Variants in CELF2 observed in about 807,000 individuals in gnomAD.
CELF2 encodes CUG triplet repeat RNA-binding protein 2.
CELF2 carries 8 observed loss-of-function variants against 62.6 expected under a neutral mutation model. The ratio of observed to expected loss-of-function variants is 0.13; its 90% CI spans 0.07 to 0.23. The LOEUF (loss-of-function observed/expected upper bound fraction) is 0.23. CELF2 is among the 10% of genes least tolerant of loss of function. The probability of loss-of-function intolerance (pLI) is 1.00; values close to 1 mark genes in which losing one functional copy is unlikely to be tolerated. For synonymous variants in CELF2, 258 were observed against 250.0 expected, an observed-to-expected ratio of 1.03 and a Z score of -0.30; for missense variants, 333 against 671.0, an observed-to-expected ratio of 0.50 and a Z score of 5.56.
the CELF2 span, among the ~76,000 whole-genome samples, chr10:10,622,955 C>A: frequency 2.0e-5 from 3 of 151,614 alleles, no homozygotes; most frequent in East Asian, 5.9e-4. Context: ...TGGTGGCGGG[C>A]GCCTGTAGTC....
chr10:11,257,586 GGGA>G, intron 4 of CELF2, 149 bp from the exon 5 acceptor site: 1 of 713,646 alleles, frequency 1.4e-6, no homozygotes, highest in Non-Finnish European at 2.3e-6. Context: ...GGCGCATGGA[GGGA>G]GGAGGACAGC....
chr10:11,195,126 A>G (rs1239104728), intron 2 of CELF2, among the ~76,000 whole-genome samples: 2 of 152,236 alleles, frequency 1.3e-5, no homozygotes, highest in South Asian at 2.1e-4. Context: ...GCATTCGACC[A>G]TGAACTTAAA....
At chr10:11,104,888 A>G (rs931889428) in intron 1 of CELF2, among the ~76,000 whole-genome samples, 14 of 152,322 alleles carry the variant, frequency 9.2e-5, no homozygotes, top group East Asian at 7.7e-4. Context: ...TCCATATAGC[A>G]TGTGGCAGGC....
At chr10:10,875,959 A>G (rs1441761639) in intron 1 of CELF2, among the ~76,000 whole-genome samples, 1 of 152,190 alleles carries the variant, frequency 6.6e-6, no homozygotes, top group African/African-American at 2.4e-5. Flanking sequence ...AAACTTGAAC[A>G]CAGCAAGAGA....
At chr10:11,063,467 G>A (rs1471927300) in intron 1 of CELF2, among the ~76,000 whole-genome samples, 1 of 152,192 alleles carries the variant, frequency 6.6e-6, no homozygotes, top group Non-Finnish European at 1.5e-5. Context: ...TTATTTGAAA[G>A]CATTGCTGTG....
At chr10:10,621,656 C>T in the CELF2 span, among the ~76,000 whole-genome samples, 1 of 152,322 alleles carries the variant, frequency 6.6e-6, no homozygotes, top group South Asian at 2.1e-4. Context: ...ATCCATTTCA[C>T]TCTTCCTCTT....
chr10:10,636,816 T>A, the CELF2 span, among the ~76,000 whole-genome samples: 1 of 152,044 alleles, frequency 6.6e-6, no homozygotes, highest in Non-Finnish European at 1.5e-5. Flanking sequence ...AGGGGAGGGG[T>A]TCACCAAGTT....
chr10:10,472,682 C>A, the CELF2 span, among the ~76,000 whole-genome samples: 1 of 151,846 alleles, frequency 6.6e-6, no homozygotes. Context: ...ACAATGAATT[C>A]TGTAATCGTC....
chr10:10,614,409 A>C, the CELF2 span, among the ~76,000 whole-genome samples: 1 of 152,232 alleles, frequency 6.6e-6, no homozygotes, highest in South Asian at 2.1e-4. Flanking sequence ...CAGCAGCCAC[A>C]TCCGGAAGGC....
intron 2 of CELF2, among the ~76,000 whole-genome samples, chr10:11,199,950 C>T (rs1463967709): frequency 3.9e-5 from 6 of 152,162 alleles, no homozygotes; most frequent in East Asian, 1.9e-4. Flanking sequence ...AGATATGCCC[C>T]GGCATTGATG....
the CELF2 span, among the ~76,000 whole-genome samples, chr10:10,621,786 G>A: frequency 6.6e-6 from 1 of 152,204 alleles, no homozygotes; most frequent in South Asian, 2.1e-4. Flanking sequence ...AAAAAACAGA[G>A]GCTAGAAGAT....
At position 10,957,657 on chromosome 10, in the gene CELF2, A is replaced by G. The variant is rs2049048330; in HGVS notation, c.89+37658A>G. Among the ~76,000 whole-genome samples the G allele has an allele frequency of 6.6e-6, 1 of 152,214 alleles. No homozygotes were observed. The highest frequency in any genetic ancestry group is 2.4e-5 in the African/African-American group (1 of 41,446). On this transcript the variant is annotated intron_variant, in intron 2 of 13. Coordinates refer to the CELF2 transcript ENST00000636488. This position sits in a 1 kb window ranked among gnomAD's most constrained non-coding sequence, Gnocchi z 4.1. ...ATCACTTCTGTGCTCCCGATGTAGT[A>G]AAATGACTCATAATTGGCCAAATTC...
intron 1 of CELF2, among the ~76,000 whole-genome samples, chr10:10,906,676 GAGAACATACC>G (rs1215839843): frequency 6.6e-6 from 1 of 151,180 alleles, no homozygotes; most frequent in East Asian, 1.9e-4. Flanking sequence ...AGGCAAAGTA[GAGAACATACC>G]AGAACATACC....
chr10:11,229,617 G>C (rs1396690385), intron 3 of CELF2, among the ~76,000 whole-genome samples: 2 of 146,324 alleles, frequency 1.4e-5, no homozygotes, highest in African/African-American at 5.1e-5. Context: ...TTTTTTTTGA[G>C]ACAGTCTCGC....
intron 2 of CELF2, among the ~76,000 whole-genome samples, chr10:10,942,544 G>T (rs1338165665): frequency 6.6e-6 from 1 of 152,174 alleles, no homozygotes; most frequent in Non-Finnish European, 1.5e-5. Flanking sequence ...ACAAGAGAGA[G>T]AATAAGATCT....
rs1032274058 is a variant in CELF2 at position 11,165,389 on chromosome 10, C to T, written c.75-97C>T. The T allele has an allele frequency of 1.2e-5, 18 of 1,528,680 alleles. No individual in the cohort carries two copies. Among genetic ancestry groups the T allele is most frequent in the Non-Finnish European group, 1.5e-5 (17 of 1,139,088 alleles). The allele number at this position is 1,528,680 out of a possible 1,614,324, so 94.7% of individuals were successfully genotyped here. On this transcript the variant is annotated intron_variant, in intron 1 of 12. Transcript: ENST00000633077. This position sits in a 1 kb window ranked among gnomAD's most constrained non-coding sequence, Gnocchi z 7.4. ...GCACTTTGCCACTGCTCTTCTTCCTCCTCCTTCCGCCTCCCCGCTCCCCCA... is the reference window on the plus strand; with the variant it reads ...GCACTTTGCCACTGCTCTTCTTCCTTCTCCTTCCGCCTCCCCGCTCCCCCA...
intron 2 of CELF2, among the ~76,000 whole-genome samples, chr10:11,209,712 A>T (rs976532943): frequency 6.6e-6 from 1 of 151,660 alleles, no homozygotes; most frequent in Non-Finnish European, 1.5e-5. Context: ...AGTGACTGAG[A>T]GTTGAAACCG....
At chr10:10,792,476 C>G in the CELF2 span, 59,939 of 398,154 alleles carry the variant, frequency 0.15, 5,369 homozygotes, top group East Asian at 0.32. Context: ...CAACTGTATT[C>G]GGCTTTCCTT....
At chr10:11,257,193 G>T (rs2079032828) in intron 4 of CELF2, among the ~76,000 whole-genome samples, 1 of 152,110 alleles carries the variant, frequency 6.6e-6, no homozygotes, top group Admixed American at 6.5e-5. Context: ...CAGCAGGGAT[G>T]AAGCTATTTG....
Sources: gnomAD v4.1 joint callset for allele counts (sites outside exome capture counted in the v4.1 genomes callset) on GRCh38, gnomAD v4.1.1 for gene constraint, Gnocchi (gnomAD v3.1) non-coding constraint, MANE v1.5 for transcripts, NCBI Gene and HGNC (gene_info 2026-07-23, HGNC 2026-07-21) for gene names.